MYOM1: variants seen among roughly 807,000 people sequenced by gnomAD.
The protein encoded by MYOM1 is myomesin 1.
Under a neutral mutation model 205.3 loss-of-function variants are expected in MYOM1, and 164 were observed. That is an observed-to-expected ratio of 0.80 (90% confidence interval 0.70 to 0.91). MYOM1 has a LOEUF of 0.91. Among genes scored for constraint, MYOM1 ranks in the 40% least tolerant of loss-of-function variants. The pLI is 0.00. For synonymous variants in MYOM1, 772 were observed against 789.4 expected (o/e 0.98, Z 0.37); for missense variants, 2,011 against 2,127.3 (o/e 0.95, Z 1.08).
intron 2 of MYOM1, among the ~76,000 whole-genome samples, chr18:3,197,873 A>AAAAAAGAAAAAG (rs370225137): frequency 1.4e-5 from 2 of 147,770 alleles, no homozygotes; most frequent in South Asian, 4.6e-4. Flanking sequence ...ACTCCATCTC[A>AAAAAAGAAAAAG]AAAAAGAAAA....
chr18:3,128,376 C>T (rs2079825387), intron 18 of MYOM1, among the ~76,000 whole-genome samples: 3 of 152,148 alleles, frequency 2.0e-5, no homozygotes, highest in Non-Finnish European at 2.9e-5. Flanking sequence ...AATTTATCAG[C>T]ACATGTGCTT....
rs1483314370 is a variant in MYOM1, at chr18:3,209,799, CCATGT to C, written c.290+5130_290+5134del. Among the ~76,000 whole-genome samples, 3 of 152,154 alleles carry C rather than the reference CCATGT, an allele frequency of 2.0e-5. No homozygotes were observed. Among genetic ancestry groups the C allele is most frequent in the Non-Finnish European group, 4.4e-5 (3 of 68,030 alleles). ...GAAAATTCTAACCTGCACTCTTGGC[CCATGT>C]CCCTGATCTCTCTTACCCTGCTCTG... On this transcript the variant is annotated intron_variant, in intron 2 of 37. Transcript: ENST00000356443. This position sits in a 1 kb window ranked among gnomAD's most constrained non-coding sequence, Gnocchi z 4.0.
intron 2 of MYOM1, among the ~76,000 whole-genome samples, chr18:3,200,784 G>C (rs1337994286): frequency 6.6e-6 from 1 of 152,092 alleles, no homozygotes; most frequent in South Asian, 2.1e-4. Context: ...GTGCCAGAAA[G>C]GGAAGAGAGA....
chr18:3,227,338 CATT>C, the MYOM1 span, among the ~76,000 whole-genome samples: 1 of 152,092 alleles, frequency 6.6e-6, no homozygotes, highest in East Asian at 1.9e-4. Context: ...ACCCTGAAGA[CATT>C]ATGCAAAGTG....
rs570286208 is a variant in MYOM1 at position 3,176,869 on chromosome 18, G to A, written c.930-735C>T. Among the ~76,000 whole-genome samples, 4 of 151,008 alleles carry A rather than the reference G, an allele frequency of 2.6e-5. No homozygotes were observed. In the South Asian group the frequency reaches 6.3e-4, roughly 24 times the overall value. On this transcript the variant is annotated intron_variant, in intron 5 of 37. Coordinates refer to ENST00000356443, the MANE Select transcript of MYOM1 (RefSeq NM_003803.4). ...TGCACTCCAGCCTGGGCGACGGAGT[G>A]AGACTCCATCTCGAAAAAAAAAAAT...
chr18:3,138,860 G>A (rs2080008923), intron 14 of MYOM1, among the ~76,000 whole-genome samples: 1 of 152,198 alleles, frequency 6.6e-6, no homozygotes, highest in Non-Finnish European at 1.5e-5. Flanking sequence ...GTGGCCCAGT[G>A]TAATAGTTGG....
intron 33 of MYOM1, among the ~76,000 whole-genome samples, chr18:3,083,394 TCTTTCTTTCTTTTC>T (rs1567895877): frequency 4.8e-4 from 73 of 151,030 alleles, no homozygotes; most frequent in African/African-American, 1.6e-3. Context: ...AATTTCTTTT[TCTTTCTTTCTTTTC>T]TTTTTTCTTT....
chr18:3,210,120 C>T (rs776822119), intron 2 of MYOM1, among the ~76,000 whole-genome samples: 1 of 152,168 alleles, frequency 6.6e-6, no homozygotes, highest in African/African-American at 2.4e-5. Context: ...TAGAAAATGA[C>T]ATGAATCTAC....
intron 5 of MYOM1, among the ~76,000 whole-genome samples, chr18:3,184,394 C>T (rs139718903): frequency 6.6e-6 from 1 of 152,140 alleles, no homozygotes; most frequent in Non-Finnish European, 1.5e-5. Context: ...GTAAAGAGTG[C>T]CCTCCAAGTT....
the MYOM1 span, among the ~76,000 whole-genome samples, chr18:3,235,085 T>C: frequency 4.1e-3 from 628 of 152,208 alleles, 5 homozygotes; most frequent in African/African-American, 0.014. Context: ...GTTTTTTCCA[T>C]CATTCTCACT....
In MYOM1 at chr18:3,168,691, C is replaced by A. The variant is rs1399173835; in HGVS notation, c.1339+126G>T. 3.3e-5 allele frequency: 30 copies of A among 905,600 alleles called. No individual in the cohort carries two copies. The East Asian group carries it at 7.8e-4, about 24-fold the overall frequency. 56.1% of individuals were successfully genotyped at this position (905,600 alleles called of 1,614,324 possible). A position where few individuals can be genotyped will look rare whatever the true frequency, so the allele number is the denominator to read the frequency against. ...TGCTACTTTGCTACACATGTGAAAA[C>A]CTTTTAATCGTGTAAAGGTAGTCCC... On this transcript the variant is annotated intron_variant, in intron 9 of 37. Transcript: ENST00000356443.
In MYOM1 at chr18:3,135,636, G is replaced by A; in HGVS notation, c.2120C>T (p.Ser707Phe). The A allele has an allele frequency of 1.2e-6, 2 of 1,613,906 alleles. No individual in the cohort carries two copies. Among genetic ancestry groups the A allele is most frequent in the Non-Finnish European group, 1.7e-6 (2 of 1,179,884 alleles). The change falls in exon 15 of 38, where the codon TCC (serine) becomes TTC (phenylalanine). Residue 707 changes from serine (S) to phenylalanine (F), a missense_variant. Ser to Phe is a radical substitution (Grantham distance 155). Transcript: ENST00000356443. The surrounding 1 kb of genome is among the most constrained non-coding windows in gnomAD (Gnocchi z 4.1). ...FALFDLAEGKSYCFRVRCSNS... is the reference protein window; with the variant it reads ...FALFDLAEGKFYCFRVRCSNS... ...AGAACAGCGGACACGGAAACAGTAGGATTTCCCCTCGGCCAAGTCAAACAG... is the reference window on the plus strand; with the variant it reads ...AGAACAGCGGACACGGAAACAGTAGAATTTCCCCTCGGCCAAGTCAAACAG...
rs78192102 is a variant in MYOM1, at chr18:3,123,679, T to C, written c.2991+3022A>G. Among the ~76,000 whole-genome samples, 3 of 150,908 alleles carry C rather than the reference T, an allele frequency of 2.0e-5. 1 individual carries two copies. The South Asian group carries it at 6.2e-4, about 31-fold the overall frequency. Reference sequence around the variant, plus strand: ...TGTCTTACTTATTATTATTACTATTTTTTTTTTTTTGGTAGAACTTGGGAC... The same window carrying C: ...TGTCTTACTTATTATTATTACTATTCTTTTTTTTTTGGTAGAACTTGGGAC... On this transcript the variant is annotated intron_variant, in intron 19 of 37. Transcript: ENST00000356443.
At chr18:3,075,799 C>G in intron 34 of MYOM1, 38 bp from the exon 35 acceptor site, 1 of 1,536,758 alleles carries the variant, frequency 6.5e-7, no homozygotes, top group Non-Finnish European at 8.8e-7. Context: ...TTTTCTCACC[C>G]AGAATTGATG....
intron 2 of MYOM1, among the ~76,000 whole-genome samples, chr18:3,203,952 C>T (rs2081099497): frequency 6.6e-6 from 1 of 151,864 alleles, no homozygotes; most frequent in African/African-American, 2.4e-5. Flanking sequence ...GTTGATTTAA[C>T]ATATGAAAAT....
intron 6 of MYOM1, among the ~76,000 whole-genome samples, chr18:3,175,001 C>A (rs142445768): frequency 0.012 from 1,896 of 152,082 alleles, 14 homozygotes; most frequent in Non-Finnish European, 0.019. Context: ...TTACCAGTTT[C>A]TCGTGTTCTT....
chr18:3,171,151 G>T (rs748726706), intron 8 of MYOM1, among the ~76,000 whole-genome samples: 10 of 152,192 alleles, frequency 6.6e-5, no homozygotes, highest in Non-Finnish European at 1.2e-4. Flanking sequence ...CCGGCTGGCC[G>T]TTTCTGTGCT....
At chr18:3,162,037 T>C (rs8095334) in intron 10 of MYOM1, among the ~76,000 whole-genome samples, 2,590 of 152,322 alleles carry the variant, frequency 0.017, 80 homozygotes, top group African/African-American at 0.058. Context: ...TGGATCCCAG[T>C]TGAGTACTCA....
chr18:3,110,356 C>T (rs1417700565), intron 22 of MYOM1, among the ~76,000 whole-genome samples: 1 of 152,086 alleles, frequency 6.6e-6, no homozygotes, highest in African/African-American at 2.4e-5. Flanking sequence ...CGAGGACTGG[C>T]GGCTGACCAT....
Sources: gnomAD v4.1 joint callset for allele counts (sites outside exome capture counted in the v4.1 genomes callset) on GRCh38, gnomAD v4.1.1 for gene constraint, Gnocchi (gnomAD v3.1) non-coding constraint, MANE v1.5 for transcripts, NCBI Gene and HGNC (gene_info 2026-07-23, HGNC 2026-07-21) for gene names.